The following GPAM variants were observed in gnomAD, a reference collection of about 807,000 sequenced individuals.
GPAM encodes glycerol-3-phosphate acyltransferase, mitochondrial.
A neutral mutation model predicts 105.0 loss-of-function variants in GPAM; 56 were observed. That is an observed-to-expected ratio of 0.53 (90% CI 0.43 to 0.67). The LOEUF (loss-of-function observed/expected upper bound fraction) is 0.67, where lower values mean the gene tolerates loss of function less well. Ranked by LOEUF, GPAM falls within the 30% of genes least tolerant of loss-of-function variation. The pLI is 0.00. For synonymous variants in GPAM, 368 were observed against 354.4 expected (o/e 1.04, Z -0.43); for missense variants, 855 against 989.8 (o/e 0.86, Z 1.83).
chr10:112,197,876 G>A (rs1393447665), intron 1 of GPAM, among the ~76,000 whole-genome samples: 1 of 152,018 alleles, frequency 6.6e-6, no homozygotes, highest in African/African-American at 2.4e-5. Flanking sequence ...AAACAGAGGT[G>A]GCATGTATAG....
chr10:112,166,003 G>A (rs1366991171), intron 12 of GPAM, among the ~76,000 whole-genome samples: 3 of 152,012 alleles, frequency 2.0e-5, no homozygotes, highest in Admixed American at 6.5e-5. Context: ...TTAGCTTTTT[G>A]TGGGGGGTTG....
chr10:112,161,901 G>A (rs997826160), intron 14 of GPAM, among the ~76,000 whole-genome samples, 164 bp from the exon 15 acceptor site: 1 of 152,186 alleles, frequency 6.6e-6, no homozygotes, highest in Non-Finnish European at 1.5e-5. Flanking sequence ...ATACTACAGT[G>A]TTCTGGTATA....
At chr10:112,220,611 T>C in the GPAM span, among the ~76,000 whole-genome samples, 1 of 152,182 alleles carries the variant, frequency 6.6e-6, no homozygotes, top group South Asian at 2.1e-4. Context: ...TGTGGTGATC[T>C]TCTTATTGTA....
chr10:112,167,814 T>C (rs545939444), intron 11 of GPAM, among the ~76,000 whole-genome samples: 2 of 152,358 alleles, frequency 1.3e-5, no homozygotes, highest in East Asian at 3.9e-4. Flanking sequence ...TCAAGCTACA[T>C]GCCTATGATT....
chr10:112,169,721 G>A (rs749496370), intron 9 of GPAM, among the ~76,000 whole-genome samples: 6 of 152,092 alleles, frequency 3.9e-5, no homozygotes, highest in South Asian at 2.1e-4. Context: ...GACCAATACC[G>A]GTCCCCGGCC....
chr10:112,218,803 T>C (rs1847994754), upstream of GPAM, among the ~76,000 whole-genome samples: 1 of 152,214 alleles, frequency 6.6e-6, no homozygotes, highest in South Asian at 2.1e-4. Flanking sequence ...ACAGGGTAAA[T>C]GCCTTCGCAT....
chr10:112,190,582 T>C (rs1039505186), intron 1 of GPAM, among the ~76,000 whole-genome samples: 3 of 151,976 alleles, frequency 2.0e-5, no homozygotes, highest in African/African-American at 7.3e-5. Flanking sequence ...ACCACATTTA[T>C]GGCATAATAA....
chr10:112,202,236 T>C lies in GPAM; in HGVS notation n.210+12932A>G, dbSNP rs554591514. On this transcript the variant is annotated intron_variant and non_coding_transcript_variant, in intron 1 of 3. Coordinates refer to the GPAM transcript ENST00000480130. ...GTAGCATAAAAGCAGCCTTAGACAGTATATAAGAAAATCGATGTGCTGTGT... is the reference window on the plus strand; with the variant it reads ...GTAGCATAAAAGCAGCCTTAGACAGCATATAAGAAAATCGATGTGCTGTGT... Among the ~76,000 whole-genome samples, 12 of 152,364 alleles carry C rather than the reference T, an allele frequency of 7.9e-5. No individual in the cohort carries two copies. The East Asian group carries it at 2.1e-3, about 27-fold the overall frequency.
chr10:112,160,555 T>A (rs749007516), intron 16 of GPAM, 49 bp downstream of exon 16: 1 of 1,557,254 alleles, frequency 6.4e-7, no homozygotes, highest in Non-Finnish European at 8.9e-7. Context: ...GTTTTAGGCC[T>A]TTTTATTTTC....
At chr10:112,160,503 A>C in intron 16 of GPAM, 101 bp downstream of exon 16, 1 of 1,285,902 alleles carries the variant, frequency 7.8e-7, no homozygotes. Context: ...CATTCCCTCA[A>C]GCAAGGGGCT....
At chr10:112,161,793 C>A (rs757231323) in intron 14 of GPAM, 56 bp from the exon 15 acceptor site, 1 of 1,363,224 alleles carries the variant, frequency 7.3e-7, no homozygotes, top group East Asian at 2.3e-5. Flanking sequence ...CATAGCTGAA[C>A]TTTTTTGAAA....
chr10:112,156,887 G>C (rs1055402614), intron 19 of GPAM: 2 of 374,008 alleles, frequency 5.3e-6, no homozygotes, highest in African/African-American at 4.1e-5. Flanking sequence ...TTTTGGGAGG[G>C]ACAGCAAGAG....
intron 14 of GPAM, among the ~76,000 whole-genome samples, chr10:112,163,119 A>G (rs181772294): frequency 2.6e-5 from 4 of 152,332 alleles, no homozygotes; most frequent in East Asian, 3.9e-4. Flanking sequence ...ACAGTACACA[A>G]TTGTACAGCT....
intron 1 of GPAM, among the ~76,000 whole-genome samples, chr10:112,196,960 T>C (rs1847731051): frequency 6.6e-6 from 1 of 152,216 alleles, no homozygotes; most frequent in Non-Finnish European, 1.5e-5. Context: ...CCATAAAGCA[T>C]TGGAACATAT....
chr10:112,164,519 T>C lies in GPAM; in HGVS notation c.1307+6A>G, dbSNP rs1446471909. 3 of 1,454,342 alleles carry C rather than the reference T, an allele frequency of 2.1e-6. No homozygotes were observed. In the Admixed American group the frequency reaches 5.0e-5, roughly 24 times the overall value. The allele number at this position is 1,454,342 out of a possible 1,614,324, so 90.1% of individuals were successfully genotyped here. On this transcript the variant is annotated splice_donor_region_variant and intron_variant, in intron 13 of 21. Transcript: ENST00000348367. ...GATTAGCATTAAACAATTCTACAAA[T>C]TTTACCTTGAAGGAAGTATAGCTGG... is the stretch of plus-strand genomic sequence containing the variant.
At chr10:112,156,447 A>T (rs1160261097) in intron 19 of GPAM, 1 of 288,426 alleles carries the variant, frequency 3.5e-6, no homozygotes, top group Non-Finnish European at 6.7e-6. Flanking sequence ...CCAATGGGAG[A>T]CCACCAAGAT....
upstream of GPAM, among the ~76,000 whole-genome samples, chr10:112,219,760 G>A (rs980340417): frequency 8.5e-5 from 13 of 152,216 alleles, no homozygotes; most frequent in South Asian, 4.1e-4. Context: ...TATGACAGTC[G>A]AAGAGATCTG....
At chr10:112,191,962 A>G (rs1847664705) in intron 1 of GPAM, among the ~76,000 whole-genome samples, 1 of 152,202 alleles carries the variant, frequency 6.6e-6, no homozygotes. Context: ...CGAAGGTCCC[A>G]GTGGTGGAGT....
chr10:112,227,576 T>A, the GPAM span, among the ~76,000 whole-genome samples: 1 of 152,144 alleles, frequency 6.6e-6, no homozygotes. Flanking sequence ...TTCTCCCTCA[T>A]CATGCTGGTT....
Sources: allele counts gnomAD v4.1 joint callset (sites outside exome capture counted in the v4.1 genomes callset), GRCh38; gene constraint gnomAD v4.1.1; transcripts MANE v1.5; gene names NCBI Gene and HGNC (gene_info 2026-07-23, HGNC 2026-07-21).